Variants in MRPS24 observed in about 807,000 individuals in gnomAD.
The protein encoded by MRPS24 is mitochondrial ribosomal protein S24, also known as small ribosomal subunit protein uS3m.
MRPS24 carries 15 observed loss-of-function variants against 21.8 expected under a neutral mutation model. The ratio of observed to expected loss-of-function variants is 0.69; its 90% CI spans 0.46 to 1.06. The LOEUF is 1.06. Among genes scored for constraint, MRPS24 ranks in the 50% least tolerant of loss-of-function variants. The pLI is 0.00. For synonymous variants in MRPS24, 93 were observed against 93.7 expected, an observed-to-expected ratio of 0.99 and a Z score of 0.04; for missense variants, 224 against 219.1, an observed-to-expected ratio of 1.02 and a Z score of -0.14.
In MRPS24 at chr7:43,869,252, C is replaced by G; in HGVS notation, c.108+56G>C. 2.7e-6 allele frequency: 4 copies of G among 1,486,050 alleles called. No individual in the cohort carries two copies. The South Asian group carries it at 5.2e-5, about 19-fold the overall frequency. The allele number at this position is 1,486,050 out of a possible 1,614,324, so 92.1% of individuals were successfully genotyped here. A position where few individuals can be genotyped will look rare whatever the true frequency, so the allele number is the denominator to read the frequency against. ...CCCCCTTCAGCCCGCACGGCTTCCC[C>G]GGCCCCCGGCCCCCCGGCCCCCAGG... is the stretch of plus-strand genomic sequence containing the variant. On this transcript the variant is annotated intron_variant, in intron 2 of 3. Coordinates refer to ENST00000317534, the MANE Select transcript of MRPS24 (RefSeq NM_032014.3). This position sits in a 1 kb window ranked among gnomAD's most constrained non-coding sequence, Gnocchi z 4.8.
At chr7:43,868,333 A>G (rs1190343620) in intron 3 of MRPS24, 1 of 152,236 alleles carries the variant, frequency 6.6e-6, no homozygotes, top group African/African-American at 2.4e-5. Context: ...GACACCTTTT[A>G]CAGTACGAGA....
rs1419831406 is a variant in MRPS24 at position 43,869,240 on chromosome 7, G to A, written c.108+68C>T. ...CCCAGCGACACGCCCCCTTCAGCCC[G>A]CACGGCTTCCCCGGCCCCCGGCCCC... On this transcript the variant is annotated intron_variant, in intron 2 of 3. Coordinates refer to ENST00000317534, the MANE Select transcript of MRPS24 (RefSeq NM_032014.3). This position sits in a 1 kb window ranked among gnomAD's most constrained non-coding sequence, Gnocchi z 4.8. 1.8e-5 allele frequency: 27 copies of A among 1,480,006 alleles called. No individual in the cohort carries two copies. The highest frequency in any genetic ancestry group is 2.4e-5 in the Non-Finnish European group (27 of 1,119,726). 91.7% of individuals were successfully genotyped at this position (1,480,006 alleles called of 1,614,324 possible).
In MRPS24 at chr7:43,866,979, T is replaced by C. The variant is rs2095836918; in HGVS notation, c.224A>G (p.Asn75Ser). ...TGCGGCATGGTCCTCTCCATCCAGG[T>C]TACCTGAAGAGGGAAGGGCATAATA... ...RKGWLSLHTG[N>S]LDGEDHAAER... The change falls in exon 4 of 4, where the codon AAC (asparagine) becomes AGC (serine). Residue 75 changes from asparagine to serine, a missense_variant. Asn to Ser is a conservative substitution (Grantham distance 46, BLOSUM62 1). Transcript: ENST00000317534. 6.2e-7 allele frequency: 1 copy of C among 1,613,992 alleles called. No homozygotes were observed. The highest frequency in any genetic ancestry group is 8.5e-7 in the Non-Finnish European group (1 of 1,179,906).
chr7:43,869,141 C>T lies in MRPS24; in HGVS notation c.109-67G>A. 1 of 1,537,140 alleles carries T rather than the reference C, an allele frequency of 6.5e-7. No individual in the cohort carries two copies. Among genetic ancestry groups the T allele is most frequent in the South Asian group, 1.2e-5 (1 of 83,778 alleles). ...CAGACCCCTACTTCGCGCCATGTCC[C>T]CCCAGTCAGCTGGCACTGTTCCCCG... On this transcript the variant is annotated intron_variant, in intron 2 of 3. Transcript: ENST00000317534. The surrounding 1 kb of genome is among the most constrained non-coding windows in gnomAD (Gnocchi z 4.8).
intron 3 of MRPS24, chr7:43,868,604 G>A (rs929523090): frequency 4.8e-6 from 1 of 210,432 alleles, no homozygotes; most frequent in African/African-American, 2.3e-5. Context: ...ATCAGATTCT[G>A]CAACGGTTTC....
chr7:43,868,313 C>T (rs1007564890), intron 3 of MRPS24: 1 of 152,104 alleles, frequency 6.6e-6, no homozygotes, highest in African/African-American at 2.4e-5. Context: ...AGATTCTAGA[C>T]CATAAAAAGG....
rs547311854 is a variant in MRPS24, at chr7:43,866,731, C to A, written c.472G>T (p.Val158Leu). 6.2e-7 allele frequency: 1 copy of A among 1,614,164 alleles called. No homozygotes were observed. The highest frequency in any genetic ancestry group is 1.7e-5 in the Admixed American group (1 of 60,022). ...KCPVRLHLQT[V>L]PSKVVYKYL ...TACTTATACACAACCTTTGAGGGCA[C>A]AGTTTGGAGGTGGAGTCGCACAGGA... Residue 158 changes from valine to leucine, a missense_variant, in exon 4 of 4, where the codon GTG becomes TTG. By Grantham distance (32) the Val-to-Leu change is conservative. Coordinates refer to ENST00000317534, the MANE Select transcript of MRPS24 (RefSeq NM_032014.3).
chr7:43,866,943 A>T lies in MRPS24; in HGVS notation c.260T>A (p.Val87Glu). The T allele has an allele frequency of 6.2e-7, 1 of 1,614,134 alleles. No individual in the cohort carries two copies. Among genetic ancestry groups the T allele is most frequent in the Non-Finnish European group, 8.5e-7 (1 of 1,180,010 alleles). The change falls in exon 4 of 4, where the codon GTG (valine) becomes GAG (glutamate). Residue 87 changes from valine (V) to glutamate (E), a missense_variant. Transcript: ENST00000317534. ...GAACTTGCGAAGGAAAACATCCTCC[A>T]CCGTTCGCTCTGCGGCATGGTCCTC... The part of the protein sequence containing the change: ...DGEDHAAERT[V>E]EDVFLRKFMW...
At position 43,866,939 on chromosome 7, in the gene MRPS24, C is replaced by T. The variant is rs768028717; in HGVS notation, c.264G>A (p.Glu88=). The T allele has an allele frequency of 3.2e-5, 52 of 1,614,074 alleles. No individual in the cohort carries two copies. The highest frequency in any genetic ancestry group is 1.1e-4 in the East Asian group (5 of 44,892). The change falls in exon 4 of 4, where the codon GAG becomes GAA. Residue 88 remains glutamate, a synonymous_variant. Coordinates refer to ENST00000317534, the MANE Select transcript of MRPS24 (RefSeq NM_032014.3). The part of the protein sequence containing the change: ...GEDHAAERTV[E]DVFLRKFMWG... ...ACATGAACTTGCGAAGGAAAACATC[C>T]TCCACCGTTCGCTCTGCGGCATGGT...
At position 43,869,174 on chromosome 7, in the gene MRPS24, T is replaced by C; in HGVS notation, c.109-100A>G. 6.8e-7 allele frequency: 1 copy of C among 1,471,876 alleles called. No homozygotes were observed. The highest frequency in any genetic ancestry group is 1.3e-5 in the South Asian group (1 of 75,644). 91.2% of individuals were successfully genotyped at this position (1,471,876 alleles called of 1,614,324 possible). A position where few individuals can be genotyped will look rare whatever the true frequency, so the allele number is the denominator to read the frequency against. On this transcript the variant is annotated intron_variant, in intron 2 of 3. Transcript: ENST00000317534. This position sits in a 1 kb window ranked among gnomAD's most constrained non-coding sequence, Gnocchi z 4.8. ...AGCTGGCACTGTTCCCCGGCCCCAA[T>C]CCCCTGATCCCTAAGCCCCGACCCT...
chr7:43,869,280 C>T lies in MRPS24; in HGVS notation c.108+28G>A, dbSNP rs1026956584. ...CCCCCGGCCCCCCGGCCCCCAGGCC[C>T]CCAGGCCCCTGCCCCGGCGGTGCTC... On this transcript the variant is annotated intron_variant, in intron 2 of 3. Transcript: ENST00000317534. The surrounding 1 kb of genome is among the most constrained non-coding windows in gnomAD (Gnocchi z 4.8). 231 of 1,528,208 alleles carry T rather than the reference C, an allele frequency of 1.5e-4. No individual in the cohort carries two copies. Among genetic ancestry groups the T allele is most frequent in the Non-Finnish European group, 1.9e-4 (213 of 1,141,270 alleles). 94.7% of individuals were successfully genotyped at this position (1,528,208 alleles called of 1,614,324 possible).
In MRPS24 at chr7:43,866,776, G is replaced by A; in HGVS notation, c.427C>T (p.Leu143=). The change falls in exon 4 of 4, where the codon CTG becomes TTG. Residue 143 remains leucine, a synonymous_variant. Coordinates refer to ENST00000317534, the MANE Select transcript of MRPS24 (RefSeq NM_032014.3). ...ACAGGACATTTGTAAAAGTAGGACAGCAAAGTTTCACTGTAGCCCACGAGG... is the reference window on the plus strand; with the variant it reads ...ACAGGACATTTGTAAAAGTAGGACAACAAAGTTTCACTGTAGCCCACGAGG... ...YFLVGYSETL[L]SYFYKCPVRL... 6.2e-7 allele frequency: 1 copy of A among 1,614,248 alleles called. No individual in the cohort carries two copies. The highest frequency in any genetic ancestry group is 8.5e-7 in the Non-Finnish European group (1 of 1,180,042).
intron 3 of MRPS24, chr7:43,868,091 G>C (rs973514251): frequency 6.6e-6 from 1 of 152,072 alleles, no homozygotes; most frequent in Non-Finnish European, 1.5e-5. Context: ...AAGACACCTT[G>C]TTTAATATAT....
chr7:43,868,411 C>T (rs1020728183), intron 3 of MRPS24: 1 of 152,286 alleles, frequency 6.6e-6, no homozygotes, highest in Non-Finnish European at 1.5e-5. Flanking sequence ...GCTCCACCCA[C>T]ATCTCAGAGT....
Sources: allele counts gnomAD v4.1 joint callset, GRCh38; gene constraint gnomAD v4.1.1; non-coding constraint Gnocchi (gnomAD v3.1); transcripts MANE v1.5; gene names NCBI Gene and HGNC (gene_info 2026-07-23, HGNC 2026-07-21).